Variants in ITGA9 observed in about 807,000 individuals in gnomAD.
The protein encoded by ITGA9 is integrin alpha-9.
Under a neutral mutation model 127.8 loss-of-function variants are expected in ITGA9, and 56 were observed. The ratio of observed to expected loss-of-function variants is 0.44; its 90% CI spans 0.35 to 0.55. The LOEUF is 0.55. Among genes scored for constraint, ITGA9 ranks in the 20% least tolerant of loss-of-function variants. The pLI, the probability that ITGA9 is intolerant of heterozygous loss-of-function variation, is 0.00. For missense variants in ITGA9, 1,196 were observed against 1,347.1 expected (o/e 0.89, Z 1.76); for synonymous variants, 508 against 514.5 (o/e 0.99, Z 0.17).
At chr3:37,537,975 A>G (rs1167243502) in intron 14 of ITGA9, among the ~76,000 whole-genome samples, 1 of 152,208 alleles carries the variant, frequency 6.6e-6, no homozygotes, top group African/African-American at 2.4e-5. Flanking sequence ...TGCTTTGCCC[A>G]AGGGGACCCT....
intron 17 of ITGA9, among the ~76,000 whole-genome samples, chr3:37,666,481 C>T (rs1700587638): frequency 1.3e-5 from 2 of 152,266 alleles, no homozygotes; most frequent in South Asian, 4.1e-4. Flanking sequence ...TCATTTGGGC[C>T]CCCTCTTGCA....
At chr3:37,689,533 C>T (rs1223613710) in intron 18 of ITGA9, among the ~76,000 whole-genome samples, 1 of 152,234 alleles carries the variant, frequency 6.6e-6, no homozygotes, top group Non-Finnish European at 1.5e-5. Flanking sequence ...AGCCTCACTA[C>T]AGAGTGACAA....
At chr3:37,702,468 A>G (rs1405590857) in intron 18 of ITGA9, among the ~76,000 whole-genome samples, 5 of 152,132 alleles carry the variant, frequency 3.3e-5, no homozygotes, top group Non-Finnish European at 7.4e-5. Flanking sequence ...TCTCCAAGGT[A>G]TCAGTTTTTC....
chr3:37,524,613 G>A (rs1255738409), intron 12 of ITGA9, among the ~76,000 whole-genome samples: 1 of 152,188 alleles, frequency 6.6e-6, no homozygotes, highest in African/African-American at 2.4e-5. Flanking sequence ...TACCTTATAT[G>A]GGTTTAGCAT....
intron 15 of ITGA9, among the ~76,000 whole-genome samples, chr3:37,614,572 C>T (rs1347847496): frequency 2.6e-5 from 4 of 151,128 alleles, no homozygotes; most frequent in African/African-American, 9.7e-5. Flanking sequence ...GCCATTTTCA[C>T]GATATTGATT....
chr3:37,734,829 T>C (rs1156793753), intron 19 of ITGA9, among the ~76,000 whole-genome samples: 1 of 152,190 alleles, frequency 6.6e-6, no homozygotes. Context: ...GTATGAACAT[T>C]GGAATGTTGG....
intron 23 of ITGA9, 48 bp downstream of exon 23, chr3:37,750,617 C>T (rs1487655341): frequency 1.5e-6 from 2 of 1,368,542 alleles, no homozygotes; most frequent in Non-Finnish European, 2.1e-6. Context: ...TTGAGCCAGC[C>T]CATTCAAATT....
chr3:37,487,176 A>G (rs986875423), intron 4 of ITGA9, among the ~76,000 whole-genome samples: 1 of 152,226 alleles, frequency 6.6e-6, no homozygotes, highest in Non-Finnish European at 1.5e-5. Flanking sequence ...TTATTAAATA[A>G]AGACCTCTAC....
chr3:37,770,977 A>G (rs749772297), intron 23 of ITGA9, among the ~76,000 whole-genome samples: 3 of 152,188 alleles, frequency 2.0e-5, no homozygotes, highest in Non-Finnish European at 4.4e-5. Context: ...GCCTTGGTAG[A>G]ATACAGCCTT....
chr3:37,797,981 A>T (rs1448119442), intron 26 of ITGA9, among the ~76,000 whole-genome samples: 2 of 151,218 alleles, frequency 1.3e-5, no homozygotes, highest in Non-Finnish European at 2.9e-5. Flanking sequence ...CACCATACCC[A>T]ACCTATTTAT....
chr3:37,634,033 T>C (rs974268337), intron 16 of ITGA9, among the ~76,000 whole-genome samples: 1 of 152,188 alleles, frequency 6.6e-6, no homozygotes, highest in Admixed American at 6.5e-5. Flanking sequence ...TAACCAGTTA[T>C]AACTATCAGA....
At chr3:37,683,832 A>G in intron 17 of ITGA9, 33 bp from the exon 18 acceptor site, 2 of 1,611,992 alleles carry the variant, frequency 1.2e-6, no homozygotes, top group Non-Finnish European at 1.7e-6. Context: ...TGTAGGCCTC[A>G]GGGCATTCAT....
At chr3:37,453,223 C>T (rs1698220071) in intron 1 of ITGA9, among the ~76,000 whole-genome samples, 1 of 152,108 alleles carries the variant, frequency 6.6e-6, no homozygotes, top group Admixed American at 6.5e-5. Flanking sequence ...GTGACACCGC[C>T]GGTGGGGCAG....
At chr3:37,672,805 T>C (rs973378079) in intron 17 of ITGA9, among the ~76,000 whole-genome samples, 3 of 151,976 alleles carry the variant, frequency 2.0e-5, no homozygotes, top group Non-Finnish European at 4.4e-5. Flanking sequence ...TTTATTATTC[T>C]AGAATAGATT....
At chr3:37,523,641 G>C in intron 12 of ITGA9, 30 bp downstream of exon 12, 1 of 1,324,562 alleles carries the variant, frequency 7.5e-7, no homozygotes, top group Non-Finnish European at 1.1e-6. Context: ...AGGCACATGA[G>C]ATAAATGAAG....
At chr3:37,512,908 G>C (rs1279579873) in intron 8 of ITGA9, among the ~76,000 whole-genome samples, 1 of 151,820 alleles carries the variant, frequency 6.6e-6, no homozygotes. Flanking sequence ...GGATCCTGTT[G>C]GTATTTGGGT....
Position 37,452,703 on chromosome 3 carries a change from C to T in ITGA9, c.185+144C>T. 1 of 718,466 alleles carries T rather than the reference C, an allele frequency of 1.4e-6. No homozygotes were observed. Among genetic ancestry groups the T allele is most frequent in the Non-Finnish European group, 2.0e-6 (1 of 498,048 alleles). The allele number at this position is 718,466 out of a possible 1,614,324, so 44.5% of individuals were successfully genotyped here. ...AATGTCTCCGTTGCGCGCGGCTCGG[C>T]CGCCGGGGGACGGCGGGAGAAGGGA... is the stretch of plus-strand genomic sequence containing the variant. On this transcript the variant is annotated intron_variant, in intron 1 of 27. Coordinates refer to ENST00000264741, the MANE Select transcript of ITGA9 (RefSeq NM_002207.3). This position sits in a 1 kb window ranked among gnomAD's most constrained non-coding sequence, Gnocchi z 7.3.
intron 15 of ITGA9, among the ~76,000 whole-genome samples, chr3:37,564,951 T>G (rs187792066): frequency 6.6e-4 from 101 of 152,342 alleles, no homozygotes; most frequent in African/African-American, 2.3e-3. Flanking sequence ...TTAAAGGGTT[T>G]GAACAAAATG....
chr3:37,647,453 G>GTT (rs58911100), intron 16 of ITGA9, among the ~76,000 whole-genome samples: 31,111 of 141,514 alleles, frequency 0.22, 3,745 homozygotes, highest in African/African-American at 0.33. Context: ...GCCTAACATA[G>GTT]TTTTTTTTTT....
Sources: allele counts gnomAD v4.1 joint callset (sites outside exome capture counted in the v4.1 genomes callset), GRCh38; gene constraint gnomAD v4.1.1; non-coding constraint Gnocchi (gnomAD v3.1); transcripts MANE v1.5; gene names NCBI Gene and HGNC (gene_info 2026-07-23, HGNC 2026-07-21).